ITPR2: variants seen among roughly 807,000 people sequenced by gnomAD.
The protein encoded by ITPR2 is inositol 1,4,5-trisphosphate receptor type 2, also known as inositol 1,4,5-trisphosphate-gated calcium channel ITPR2.
ITPR2 carries 207 observed loss-of-function variants against 317.1 expected under a neutral mutation model. The ratio of observed to expected loss-of-function variants is 0.65; its 90% CI spans 0.58 to 0.73. ITPR2 has a LOEUF of 0.73. Ranked by LOEUF, ITPR2 falls within the 30% of genes least tolerant of loss-of-function variation. The pLI is 0.00. For synonymous variants in ITPR2, 1,156 were observed against 1,149.1 expected, an observed-to-expected ratio of 1.01 and a Z score of -0.12; for missense variants, 2,613 against 3,284.0, an observed-to-expected ratio of 0.80 and a Z score of 4.99.
In ITPR2 at chr12:26,622,417, A is replaced by G. The variant is rs1946521223; in HGVS notation, c.3123-12T>C. The G allele has an allele frequency of 1.3e-6, 2 of 1,590,058 alleles. No individual in the cohort carries two copies. Among genetic ancestry groups the G allele is most frequent in the South Asian group, 1.1e-5 (1 of 87,114 alleles). On this transcript the variant is annotated splice_polypyrimidine_tract_variant and intron_variant, in intron 24 of 56. Transcript: ENST00000381340. ...GATTTTTTTCTTTTCTATAAAACCA[A>G]AAACATTTCTAAAGTGACTCCTATT...
chr12:26,653,744 G>A (rs945585963), intron 21 of ITPR2, among the ~76,000 whole-genome samples: 4 of 152,162 alleles, frequency 2.6e-5, no homozygotes, highest in African/African-American at 9.7e-5. Context: ...AATGTTAGTT[G>A]CTAAAGATGG....
rs201874457 is a variant in ITPR2, at chr12:26,631,863, C to A, written c.2934+3G>T. On this transcript the variant is annotated splice_donor_region_variant and intron_variant, in intron 22 of 56. Transcript: ENST00000381340. ...GTCACCTAGCTTCTGTTAGGCAACA[C>A]ACCTGCAAAATCTCAATGATCTTCA... 6.2e-7 allele frequency: 1 copy of A among 1,613,370 alleles called. No individual in the cohort carries two copies. Among genetic ancestry groups the A allele is most frequent in the Non-Finnish European group, 8.5e-7 (1 of 1,179,636 alleles).
At position 26,447,578 on chromosome 12, in the gene ITPR2, G is replaced by A. The variant is rs1006835959; in HGVS notation, c.6343-3928C>T. On this transcript the variant is annotated intron_variant, in intron 45 of 56. Transcript: ENST00000381340. ...GACATTCAATAATAATTATTTCTTC[G>A]TATTTTTCATCTGTGTTTTTTTAAT... Among the ~76,000 whole-genome samples, 7 of 151,246 alleles carry A rather than the reference G, an allele frequency of 4.6e-5. No individual in the cohort carries two copies. In the East Asian group the frequency reaches 5.8e-4, roughly 13 times the overall value.
At chr12:26,408,541 T>C (rs969909923) in intron 52 of ITPR2, among the ~76,000 whole-genome samples, 1 of 152,146 alleles carries the variant, frequency 6.6e-6, no homozygotes, top group African/African-American at 2.4e-5. Context: ...ACACTATGAA[T>C]GACCTGGAAG....
chr12:26,817,609 T>A (rs1265778226), intron 1 of ITPR2, among the ~76,000 whole-genome samples: 1 of 152,220 alleles, frequency 6.6e-6, no homozygotes, highest in Non-Finnish European at 1.5e-5. Context: ...CAAAGTCTGA[T>A]TATTTCATTC....
At chr12:26,366,049 G>T (rs1357153732) in intron 55 of ITPR2, among the ~76,000 whole-genome samples, 2 of 151,948 alleles carry the variant, frequency 1.3e-5, no homozygotes, top group Admixed American at 6.6e-5. Flanking sequence ...TTGCTGACAG[G>T]TTTTCAGTGA....
chr12:26,784,363 C>CTCCACGGTCTCCT (rs375851468), intron 2 of ITPR2, among the ~76,000 whole-genome samples: 16,082 of 66,322 alleles, frequency 0.24, 4,465 homozygotes, highest in East Asian at 0.66. Context: ...CTCCCTCTCC[C>CTCCACGGTCTCCT]TCCACGGTCT....
chr12:26,604,748 G>A (rs575983082), intron 26 of ITPR2, among the ~76,000 whole-genome samples: 34 of 152,244 alleles, frequency 2.2e-4, no homozygotes, highest in African/African-American at 7.9e-4. Flanking sequence ...ATAAAAGAGA[G>A]AAAAGAATGC....
At chr12:26,447,727 G>GAT (rs1941641320) in intron 45 of ITPR2, among the ~76,000 whole-genome samples, 1 of 151,968 alleles carries the variant, frequency 6.6e-6, no homozygotes, top group Non-Finnish European at 1.5e-5. Context: ...CAATGATTGT[G>GAT]AAATGCATAA....
intron 45 of ITPR2, among the ~76,000 whole-genome samples, chr12:26,471,676 A>T (rs1014194530): frequency 6.6e-6 from 1 of 152,244 alleles, no homozygotes; most frequent in Non-Finnish European, 1.5e-5. Context: ...ACAAAAATTG[A>T]AAGTCTGAGA....
At chr12:26,359,152 C>T (rs1938739800) in intron 55 of ITPR2, among the ~76,000 whole-genome samples, 1 of 152,246 alleles carries the variant, frequency 6.6e-6, no homozygotes, top group Non-Finnish European at 1.5e-5. Flanking sequence ...AGGCGCATAG[C>T]AGGCTTTCTT....
At chr12:26,596,246 T>C (rs755861569) in intron 31 of ITPR2, among the ~76,000 whole-genome samples, 1 of 152,246 alleles carries the variant, frequency 6.6e-6, no homozygotes, top group Non-Finnish European at 1.5e-5. Flanking sequence ...CTCAAGTACA[T>C]ACTAAAGTTT....
intron 36 of ITPR2, among the ~76,000 whole-genome samples, chr12:26,551,724 C>T (rs974017894): frequency 6.6e-6 from 1 of 152,086 alleles, no homozygotes; most frequent in Non-Finnish European, 1.5e-5. Context: ...AAGGAAGGCT[C>T]GGGAGAGAAG....
chr12:26,826,562 C>G (rs1356917225), intron 1 of ITPR2, among the ~76,000 whole-genome samples: 1 of 152,064 alleles, frequency 6.6e-6, no homozygotes, highest in Non-Finnish European at 1.5e-5. Context: ...AAAATAAGGG[C>G]TCCAATCCTC....
At chr12:26,362,844 C>T (rs1398223215) in intron 55 of ITPR2, among the ~76,000 whole-genome samples, 1 of 152,164 alleles carries the variant, frequency 6.6e-6, no homozygotes, top group East Asian at 1.9e-4. Flanking sequence ...GAAAGCATAA[C>T]TGGGGAATAA....
chr12:26,350,530 T>C (rs999627546), intron 55 of ITPR2, among the ~76,000 whole-genome samples: 3 of 152,072 alleles, frequency 2.0e-5, no homozygotes, highest in African/African-American at 7.2e-5. Context: ...CTCTCCCAGG[T>C]GGCCTGAAAT....
At chr12:26,631,438 T>C (rs1946750033) in intron 22 of ITPR2, among the ~76,000 whole-genome samples, 4 of 152,366 alleles carry the variant, frequency 2.6e-5, no homozygotes, top group Admixed American at 2.0e-4. Flanking sequence ...TTATTTGTCT[T>C]TCTTGCTAAA....
intron 45 of ITPR2, among the ~76,000 whole-genome samples, chr12:26,454,964 C>A (rs1941844008): frequency 6.6e-6 from 1 of 152,142 alleles, no homozygotes; most frequent in Admixed American, 6.5e-5. Flanking sequence ...CACAATCTTA[C>A]TATTCTACTT....
At chr12:26,420,875 G>C (rs11048509) in intron 49 of ITPR2, among the ~76,000 whole-genome samples, 54,823 of 151,896 alleles carry the variant, frequency 0.36, 12,155 homozygotes, top group Non-Finnish European at 0.5. Flanking sequence ...GTCATATTCA[G>C]TAATTATTTA....
Sources: gnomAD v4.1 joint callset for allele counts (sites outside exome capture counted in the v4.1 genomes callset) on GRCh38, gnomAD v4.1.1 for gene constraint, MANE v1.5 for transcripts, NCBI Gene and HGNC (gene_info 2026-07-23, HGNC 2026-07-21) for gene names.